The following FAR1 variants were observed in gnomAD, a reference collection of about 807,000 sequenced individuals.
FAR1 encodes male sterility domain-containing protein 2.
A neutral mutation model predicts 61.1 loss-of-function variants in FAR1; 22 were observed. The observed-to-expected ratio is 0.36, with a 90% CI of 0.26 to 0.51. FAR1 has a LOEUF of 0.51. FAR1 is among the 20% of genes least tolerant of loss of function. The probability of loss-of-function intolerance (pLI) is 0.95; values close to 1 mark genes in which losing one functional copy is unlikely to be tolerated. For missense variants in FAR1, 359 were observed against 626.9 expected (o/e 0.57, Z 4.56); for synonymous variants, 206 against 209.7 (o/e 0.98, Z 0.15).
chr11:13,700,258 A>T (rs1848355450), intron 2 of FAR1, 59 bp from the exon 3 acceptor site: 3 of 1,282,278 alleles, frequency 2.3e-6, no homozygotes, highest in Non-Finnish European at 3.2e-6. Flanking sequence ...AATGGTGATA[A>T]TGAGTTTTAG....
chr11:13,710,775 T>C lies in FAR1; in HGVS notation c.628T>C (p.Leu210=). ...RPNTYIYTKA[L]AEYVVQQEGA... is the part of the protein sequence containing the mutation. ...TAATACATACATATACACAAAAGCATTGGCAGAATATGTTGTACAACAAGA... is the reference window on the plus strand; with the variant it reads ...TAATACATACATATACACAAAAGCACTGGCAGAATATGTTGTACAACAAGA... The change falls in exon 5 of 12, where the codon TTG becomes CTG. Residue 210 remains leucine, a synonymous_variant. Coordinates refer to ENST00000354817, the MANE Select transcript of FAR1 (RefSeq NM_032228.6). 6.2e-7 allele frequency: 1 copy of C among 1,612,916 alleles called. No individual in the cohort carries two copies. The highest frequency in any genetic ancestry group is 2.2e-5 in the East Asian group (1 of 44,754).
intron 1 of FAR1, among the ~76,000 whole-genome samples, chr11:13,676,189 A>T (rs1338699651): frequency 1.3e-5 from 2 of 152,172 alleles, no homozygotes; most frequent in East Asian, 3.8e-4. Flanking sequence ...TTATTATTGC[A>T]AATGCCTAAT....
At chr11:13,708,401 T>G (rs1848457543) in intron 4 of FAR1, among the ~76,000 whole-genome samples, 1 of 147,014 alleles carries the variant, frequency 6.8e-6, no homozygotes, top group Non-Finnish European at 1.5e-5. Context: ...TTCAAGTCCC[T>G]CCCTCTTCTC....
chr11:13,694,883 G>T lies in FAR1; in HGVS notation c.118G>T (p.Val40Leu). ...LLRSCPKVNS[V>L]YVLVRQKAGQ... The stretch of plus-strand genomic sequence containing the variant: ...GAGGTCTTGTCCTAAGGTGAATTCA[G>T]TATATGTTTTGGTGAGGCAGAAAGC... The change falls in exon 2 of 12, where the codon GTA becomes TTA. Residue 40 changes from valine to leucine, a missense_variant. Physicochemically the swap from Val to Leu is conservative, Grantham distance 32 (BLOSUM62 1). Transcript: ENST00000354817. The T allele has an allele frequency of 1.2e-6, 2 of 1,614,082 alleles. No individual in the cohort carries two copies. Among genetic ancestry groups the T allele is most frequent in the Non-Finnish European group, 1.7e-6 (2 of 1,179,956 alleles).
At chr11:13,686,250 TC>T (rs1157684597) in intron 1 of FAR1, among the ~76,000 whole-genome samples, 1 of 152,156 alleles carries the variant, frequency 6.6e-6, no homozygotes, top group African/African-American at 2.4e-5. Context: ...TTCCCTTTCT[TC>T]CCTTAACTAT....
intron 1 of FAR1, among the ~76,000 whole-genome samples, chr11:13,678,837 G>A (rs1255583227): frequency 6.6e-6 from 1 of 152,096 alleles, no homozygotes; most frequent in South Asian, 2.1e-4. Context: ...CACAAATGCT[G>A]CCTTGGAGGA....
At position 13,694,953 on chromosome 11, in the gene FAR1, A is replaced by G; in HGVS notation, c.188A>G (p.Lys63Arg). 1.9e-6 allele frequency: 3 copies of G among 1,603,928 alleles called. No homozygotes were observed. The highest frequency in any genetic ancestry group is 2.6e-6 in the Non-Finnish European group (3 of 1,174,964). Residue 63 changes from lysine to arginine, a missense_variant and splice_region_variant, in exon 2 of 12, where the codon AAG becomes AGG. By Grantham distance (26) the Lys-to-Arg change is conservative. Around this residue, in one of 2 missense-constraint regions of FAR1, gnomAD observed 344 missense variants for 570.3 expected, o/e 0.60. Coordinates refer to ENST00000354817, the MANE Select transcript of FAR1 (RefSeq NM_032228.6). The part of the protein sequence containing the change: ...QERVEEVLSG[K>R]LFDRLRDENP... ...CGAGTGGAAGAAGTCCTTAGTGGCA[A>G]GGTAAGTATGGAAAATGAGCACTCA...
intron 3 of FAR1, among the ~76,000 whole-genome samples, chr11:13,705,853 T>C (rs1848426067): frequency 6.6e-6 from 1 of 152,158 alleles, no homozygotes; most frequent in African/African-American, 2.4e-5. Context: ...AAACTTGTCC[T>C]GTCCTCAGGA....
At chr11:13,726,109 T>C (rs1848664680) in intron 10 of FAR1, among the ~76,000 whole-genome samples, 1 of 152,106 alleles carries the variant, frequency 6.6e-6, no homozygotes, top group Non-Finnish European at 1.5e-5. Flanking sequence ...AGGATCAGCA[T>C]GTATCTGTTA....
intron 1 of FAR1, among the ~76,000 whole-genome samples, chr11:13,687,781 T>G (rs1005071614): frequency 2.6e-5 from 4 of 152,060 alleles, no homozygotes; most frequent in African/African-American, 7.2e-5. Context: ...CCATAAAAAA[T>G]GATGAGTTCA....
intron 9 of FAR1, chr11:13,720,854 G>C (rs1848603556): frequency 6.6e-6 from 1 of 151,880 alleles, no homozygotes; most frequent in South Asian, 2.1e-4. Context: ...TTTTGTTTCA[G>C]AAAGTTCTTT....
chr11:13,719,466 A>G (rs1214543630), intron 9 of FAR1, among the ~76,000 whole-genome samples: 1 of 152,230 alleles, frequency 6.6e-6, no homozygotes, highest in African/African-American at 2.4e-5. Context: ...GCCTAATTCT[A>G]CATTAAACTG....
rs1210750676 is a variant in FAR1, at chr11:13,729,825, ATTCC to A, written c.*1055_*1058del. 1.3e-5 allele frequency: 2 copies of A among 152,250 alleles called. No homozygotes were observed. Among genetic ancestry groups the A allele is most frequent in the Non-Finnish European group, 2.9e-5 (2 of 67,892 alleles). The allele number at this position is 152,250 out of a possible 1,614,324, so 9.4% of individuals were successfully genotyped here. A position where few individuals can be genotyped will look rare whatever the true frequency, so the allele number is the denominator to read the frequency against. ...TACTAATTTTGACCTTGAAAGATGA[ATTCC>A]TTCAAGAAAAATAAAATAATGCTTA... is the stretch of plus-strand genomic sequence containing the variant. On this transcript the variant is annotated 3_prime_UTR_variant, in exon 12 of 12. Coordinates refer to ENST00000354817, the MANE Select transcript of FAR1 (RefSeq NM_032228.6).
At chr11:13,715,091 T>C (rs749666157) in intron 9 of FAR1, among the ~76,000 whole-genome samples, 5 of 152,178 alleles carry the variant, frequency 3.3e-5, no homozygotes, top group Non-Finnish European at 7.3e-5. Context: ...GTGTCAGCCA[T>C]AGAGTATCTG....
intron 1 of FAR1, among the ~76,000 whole-genome samples, chr11:13,683,674 T>G (rs571201299): frequency 2.0e-5 from 3 of 152,242 alleles, no homozygotes; most frequent in African/African-American, 7.2e-5. Flanking sequence ...ACAACTGTGC[T>G]TAGCTTCATT....
chr11:13,714,486 G>GTTAC, intron 8 of FAR1, 23 bp from the exon 9 acceptor site: 1 of 1,584,990 alleles, frequency 6.3e-7, no homozygotes, highest in Non-Finnish European at 8.6e-7. Context: ...TATCAAAGCT[G>GTTAC]TTACACAACT....
chr11:13,714,253 G>T (rs1848531613), intron 8 of FAR1, among the ~76,000 whole-genome samples: 1 of 152,018 alleles, frequency 6.6e-6, no homozygotes, highest in Non-Finnish European at 1.5e-5. Context: ...AACATTAAAA[G>T]GATTTTAAGA....
intron 2 of FAR1, among the ~76,000 whole-genome samples, chr11:13,696,750 A>G (rs950112422): frequency 1.3e-5 from 2 of 150,774 alleles, no homozygotes; most frequent in African/African-American, 5.0e-5. Context: ...CATTATGTAT[A>G]GCATTGCTGG....
intron 3 of FAR1, 131 bp from the exon 4 acceptor site, chr11:13,707,769 C>A: frequency 2.0e-6 from 1 of 508,410 alleles, no homozygotes; most frequent in Non-Finnish European, 3.1e-6. Flanking sequence ...CACAAAATCA[C>A]AGCTAAAGGA....
Sources: gnomAD v4.1 joint callset for allele counts (sites outside exome capture counted in the v4.1 genomes callset) on GRCh38, gnomAD v4.1.1 for gene constraint, gnomAD v4.1.1 regional missense constraint, MANE v1.5 for transcripts, NCBI Gene and HGNC (gene_info 2026-07-23, HGNC 2026-07-21) for gene names.